DLGAP2: variants seen among roughly 807,000 people sequenced by gnomAD.
DLGAP2 encodes DLG associated protein 2.
DLGAP2 carries 26 observed loss-of-function variants against 100.3 expected under a neutral mutation model. The ratio of observed to expected loss-of-function variants is 0.26; its 90% CI spans 0.19 to 0.36. The LOEUF (loss-of-function observed/expected upper bound fraction) is 0.36, where lower values mean the gene tolerates loss of function less well. Ranked by LOEUF, DLGAP2 falls within the 10% of genes least tolerant of loss-of-function variation. The pLI is 1.00. For missense variants in DLGAP2, 1,858 were observed against 1,453.2 expected, an observed-to-expected ratio of 1.28 and a Z score of -4.53; for synonymous variants, 886 against 630.1, an observed-to-expected ratio of 1.41 and a Z score of -6.08.
intron 1 of DLGAP2, among the ~76,000 whole-genome samples, chr8:832,062 T>G (rs1018515661): frequency 2.6e-5 from 4 of 152,226 alleles, no homozygotes; most frequent in African/African-American, 9.6e-5. Flanking sequence ...TGGGGTTGTT[T>G]GTTTTTTTCT....
At chr8:1,580,046 A>C (rs1364552225) in intron 6 of DLGAP2, among the ~76,000 whole-genome samples, 1 of 152,340 alleles carries the variant, frequency 6.6e-6, no homozygotes, top group Admixed American at 6.5e-5. Flanking sequence ...CAGCACTGAT[A>C]CCATTCACAT....
At chr8:1,013,526 G>A (rs1421810896) in intron 2 of DLGAP2, among the ~76,000 whole-genome samples, 1 of 152,192 alleles carries the variant, frequency 6.6e-6, no homozygotes, top group Non-Finnish European at 1.5e-5. Context: ...CGTGATGGGG[G>A]TGGGTGATGA....
intron 1 of DLGAP2, among the ~76,000 whole-genome samples, chr8:814,115 G>A (rs1447853370): frequency 6.6e-6 from 1 of 152,152 alleles, no homozygotes; most frequent in African/African-American, 2.4e-5. Context: ...TGTAAAATAA[G>A]AGCAGGATGC....
At chr8:988,788 G>C (rs1385304259) in intron 2 of DLGAP2, among the ~76,000 whole-genome samples, 2 of 152,140 alleles carry the variant, frequency 1.3e-5, no homozygotes, top group Non-Finnish European at 2.9e-5. Flanking sequence ...GACCTGGTGA[G>C]TGCATGGCTC....
chr8:936,467 C>T (rs1262950578), intron 2 of DLGAP2, among the ~76,000 whole-genome samples: 10 of 152,160 alleles, frequency 6.6e-5, no homozygotes, highest in African/African-American at 2.2e-4. Context: ...GAAGCCCAGC[C>T]GCCTCTCCCT....
intron 2 of DLGAP2, among the ~76,000 whole-genome samples, chr8:921,446 C>G (rs1017021433): frequency 1.3e-5 from 2 of 152,170 alleles, no homozygotes; most frequent in Admixed American, 1.3e-4. Flanking sequence ...CCCGACCTCC[C>G]TATTGCAGTG....
chr8:1,499,010 C>G (rs1277846056), intron 3 of DLGAP2, among the ~76,000 whole-genome samples: 5 of 152,320 alleles, frequency 3.3e-5, no homozygotes, highest in African/African-American at 4.8e-5. Flanking sequence ...TCCAGACCTC[C>G]TGTTCTCTCA....
intron 2 of DLGAP2, among the ~76,000 whole-genome samples, chr8:1,061,962 A>C (rs62488537): frequency 0.27 from 40,657 of 151,678 alleles, 6,163 homozygotes; most frequent in East Asian, 0.35. Flanking sequence ...ATTTATGGCT[A>C]CTAGAGCAAA....
chr8:1,076,259 G>A (rs1387848559), intron 2 of DLGAP2, among the ~76,000 whole-genome samples: 1 of 152,186 alleles, frequency 6.6e-6, no homozygotes, highest in Non-Finnish European at 1.5e-5. Context: ...CCTATACCGC[G>A]TGCTGGTGGT....
Position 1,097,793 on chromosome 8 carries a change from G to T in DLGAP2, c.74-161058G>T, listed in dbSNP as rs186874962. ...GTGGCATGGAGAGGACCCCTCCAGC[G>T]TGAGACCCACCTCCCTCTGCTCAGG... On this transcript the variant is annotated intron_variant, in intron 2 of 14. Transcript: ENST00000637795. Among the ~76,000 whole-genome samples, 5 of 137,934 alleles carry T rather than the reference G, an allele frequency of 3.6e-5. 1 individual carries two copies. The highest frequency in any genetic ancestry group is 1.4e-4 in the African/African-American group (5 of 35,296). 90.5% of individuals were successfully genotyped at this position (137,934 alleles called of 152,430 possible).
chr8:915,372 C>G lies in DLGAP2; in HGVS notation c.73+7406C>G, dbSNP rs563946939. ...ACCGTCCTGGCTAACACGGTGAAAC[C>G]CGGTCTCTACTAAAAATACAAAAAA... On this transcript the variant is annotated intron_variant, in intron 2 of 14. Coordinates refer to ENST00000637795, the MANE Select transcript of DLGAP2 (RefSeq NM_001346810.2). Among the ~76,000 whole-genome samples the G allele has an allele frequency of 3.3e-5, 5 of 152,232 alleles. No individual in the cohort carries two copies. In the South Asian group the frequency reaches 1.0e-3, roughly 32 times the overall value.
At chr8:1,278,398 C>A (rs1272501213) in intron 3 of DLGAP2, among the ~76,000 whole-genome samples, 1 of 152,204 alleles carries the variant, frequency 6.6e-6, no homozygotes, top group Non-Finnish European at 1.5e-5. Context: ...CTGGTCATTA[C>A]TCAATTACTT....
At chr8:1,508,990 A>G (rs1800055374) in intron 4 of DLGAP2, among the ~76,000 whole-genome samples, 1 of 152,146 alleles carries the variant, frequency 6.6e-6, no homozygotes, top group Non-Finnish European at 1.5e-5. Flanking sequence ...AATTCAAGTT[A>G]CTGGTCACTG....
chr8:810,618 C>A (rs952046797), intron 1 of DLGAP2, among the ~76,000 whole-genome samples: 7 of 152,252 alleles, frequency 4.6e-5, no homozygotes, highest in Admixed American at 3.9e-4. Context: ...AATTCTGTTG[C>A]CATTTTTAAC....
At chr8:1,532,424 G>A (rs868290351) in intron 4 of DLGAP2, among the ~76,000 whole-genome samples, 5 of 152,088 alleles carry the variant, frequency 3.3e-5, no homozygotes, top group Non-Finnish European at 5.9e-5. Context: ...TAAGCAATAC[G>A]AGATTGGTTT....
intron 3 of DLGAP2, among the ~76,000 whole-genome samples, chr8:1,410,601 G>A (rs1208108025): frequency 1.3e-5 from 2 of 152,330 alleles, no homozygotes; most frequent in African/African-American, 4.8e-5. Context: ...ATGAAATACA[G>A]TGAAATTATG....
intron 2 of DLGAP2, among the ~76,000 whole-genome samples, chr8:1,244,827 A>G (rs1041049382): frequency 1.3e-5 from 2 of 152,250 alleles, no homozygotes; most frequent in Non-Finnish European, 2.9e-5. Flanking sequence ...GGTTACCATC[A>G]ATAAAGTAAG....
chr8:1,271,140 T>G (rs1237175905), intron 3 of DLGAP2, among the ~76,000 whole-genome samples: 1 of 152,126 alleles, frequency 6.6e-6, no homozygotes, highest in Non-Finnish European at 1.5e-5. Flanking sequence ...AATAATTAAT[T>G]AAATCATAAA....
At chr8:1,538,235 T>G (rs1333410058) in intron 4 of DLGAP2, among the ~76,000 whole-genome samples, 1 of 152,198 alleles carries the variant, frequency 6.6e-6, no homozygotes, top group Non-Finnish European at 1.5e-5. Flanking sequence ...TATCACTATC[T>G]GCATCCACCC....
Sources: allele counts gnomAD v4.1 joint callset (sites outside exome capture counted in the v4.1 genomes callset), GRCh38; gene constraint gnomAD v4.1.1; transcripts MANE v1.5; gene names NCBI Gene and HGNC (gene_info 2026-07-23, HGNC 2026-07-21).